Variants in SPMIP2 observed in about 807,000 individuals in gnomAD.
SPMIP2 encodes protein SPMIP2.
At chr4:158,994,121 A>G in the SPMIP2 span, among the ~76,000 whole-genome samples, 4 of 152,128 alleles carry the variant, frequency 2.6e-5, no homozygotes, top group African/African-American at 4.8e-5. Flanking sequence ...TTCTATATCA[A>G]ATTTACTGGA....
At chr4:158,998,096 C>T in the SPMIP2 span, among the ~76,000 whole-genome samples, 5 of 152,156 alleles carry the variant, frequency 3.3e-5, no homozygotes, top group African/African-American at 4.8e-5. Context: ...GTGGACAATA[C>T]GTAAACCAGT....
the SPMIP2 span, among the ~76,000 whole-genome samples, chr4:159,008,024 C>A: frequency 6.6e-6 from 1 of 152,196 alleles, no homozygotes; most frequent in African/African-American, 2.4e-5. Context: ...ATTTCTTGAG[C>A]CTAGGAGCTC....
chr4:159,000,225 G>C, the SPMIP2 span, among the ~76,000 whole-genome samples: 1 of 152,016 alleles, frequency 6.6e-6, no homozygotes, highest in African/African-American at 2.4e-5. Flanking sequence ...CCAAACATTT[G>C]CATGGTACAT....
chr4:159,040,760 CAT>C, the SPMIP2 span, among the ~76,000 whole-genome samples: 481 of 152,350 alleles, frequency 3.2e-3, 4 homozygotes, highest in African/African-American at 0.011. Flanking sequence ...CCTAGTACCA[CAT>C]ATTTTTATGT....
the SPMIP2 span, among the ~76,000 whole-genome samples, chr4:158,963,091 T>C: frequency 7.2e-5 from 11 of 152,156 alleles, no homozygotes; most frequent in African/African-American, 2.2e-4. Context: ...ATCTAAATAA[T>C]GAGCAACATA....
chr4:158,942,996 T>G, the SPMIP2 span, among the ~76,000 whole-genome samples: 1 of 152,152 alleles, frequency 6.6e-6, no homozygotes, highest in Non-Finnish European at 1.5e-5. Context: ...AAAACATTAG[T>G]GATGCTGTTT....
chr4:158,902,474 T>A, the SPMIP2 span, among the ~76,000 whole-genome samples: 3 of 152,224 alleles, frequency 2.0e-5, no homozygotes, highest in South Asian at 6.2e-4. Context: ...AGGGATCCAC[T>A]TGAGGAGGCA....
chr4:158,899,328 G>T, the SPMIP2 span, among the ~76,000 whole-genome samples: 1 of 152,136 alleles, frequency 6.6e-6, no homozygotes, highest in African/African-American at 2.4e-5. Context: ...TTGGGTCTCT[G>T]CCAGGTTTTG....
chr4:158,915,075 GATTATT>G, the SPMIP2 span: 4 of 1,077,508 alleles, frequency 3.7e-6, no homozygotes, highest in Non-Finnish European at 1.3e-6. Context: ...CTACAAAACT[GATTATT>G]AGTATTACTA....
the SPMIP2 span, among the ~76,000 whole-genome samples, chr4:159,009,859 G>A: frequency 1.3e-5 from 2 of 152,092 alleles, no homozygotes; most frequent in East Asian, 1.9e-4. Context: ...AGTGGTGTAC[G>A]CCTATAGTCC....
chr4:158,973,322 CA>C, the SPMIP2 span: 5 of 1,545,138 alleles, frequency 3.2e-6, no homozygotes, highest in Middle Eastern at 1.7e-4. Context: ...CTTTAAAAGA[CA>C]AAATGTACTT....
chr4:159,004,289 CTTTTTT>C, the SPMIP2 span, among the ~76,000 whole-genome samples: 18 of 78,930 alleles, frequency 2.3e-4, no homozygotes, highest in African/African-American at 5.3e-4. Context: ...ACTCTGTGCT[CTTTTTT>C]TTTTTTTTTT....
the SPMIP2 span, among the ~76,000 whole-genome samples, chr4:158,898,130 C>T: frequency 6.6e-6 from 1 of 152,104 alleles, no homozygotes; most frequent in Non-Finnish European, 1.5e-5. Flanking sequence ...TCAGGTTTGT[C>T]AAAGATCAGA....
chr4:158,944,419 G>A, the SPMIP2 span, among the ~76,000 whole-genome samples: 6 of 152,240 alleles, frequency 3.9e-5, no homozygotes, highest in South Asian at 6.2e-4. Flanking sequence ...TGCTTCTGCT[G>A]TATCTTCTTT....
At chr4:159,081,886 T>C in the SPMIP2 span, among the ~76,000 whole-genome samples, 2 of 152,188 alleles carry the variant, frequency 1.3e-5, no homozygotes, top group East Asian at 1.9e-4. Context: ...AGAAGTGATA[T>C]AATGAGTCAA....
chr4:158,979,491 G>A, the SPMIP2 span, among the ~76,000 whole-genome samples: 2 of 152,178 alleles, frequency 1.3e-5, no homozygotes, highest in African/African-American at 4.8e-5. Flanking sequence ...CAACACAGAA[G>A]GTGGGTGATT....
the SPMIP2 span, among the ~76,000 whole-genome samples, chr4:159,014,340 CT>C: frequency 0.29 from 43,935 of 151,762 alleles, 6,781 homozygotes; most frequent in South Asian, 0.43. Context: ...ATAGTCTCAG[CT>C]ACTCAGGAGG....
the SPMIP2 span, among the ~76,000 whole-genome samples, chr4:159,030,227 A>G: frequency 8.2e-3 from 1,244 of 152,278 alleles, 14 homozygotes; most frequent in African/African-American, 0.028. Context: ...AGCCTGGGCA[A>G]TATGGTGAAA....
the SPMIP2 span, among the ~76,000 whole-genome samples, chr4:159,067,915 C>T: frequency 1.8e-4 from 27 of 152,312 alleles, no homozygotes; most frequent in African/African-American, 6.0e-4. Flanking sequence ...AAAAAATGCT[C>T]ACCATCACTG....
Sources: gnomAD v4.1 joint callset for allele counts (sites outside exome capture counted in the v4.1 genomes callset) on GRCh38, gnomAD v4.1.1 for gene constraint, MANE v1.5 for transcripts, NCBI Gene and HGNC (gene_info 2026-07-23, HGNC 2026-07-21) for gene names.